NFX1: variants seen among roughly 807,000 people sequenced by gnomAD.
NFX1 encodes transcriptional repressor NF-X1.
A neutral mutation model predicts 137.2 loss-of-function variants in NFX1; 69 were observed. That is an observed-to-expected ratio of 0.50 (90% CI 0.41 to 0.61). The LOEUF is 0.61. Ranked by LOEUF, NFX1 falls within the 20% of genes least tolerant of loss-of-function variation. NFX1 has a pLI of 0.00. For synonymous variants in NFX1, 495 were observed against 474.1 expected, an observed-to-expected ratio of 1.04 and a Z score of -0.57; for missense variants, 1,167 against 1,391.0, an observed-to-expected ratio of 0.84 and a Z score of 2.56.
intron 22 of NFX1, 56 bp from the exon 23 acceptor site, chr9:33,367,459 T>TC (rs1824200503): frequency 6.4e-7 from 1 of 1,566,524 alleles, no homozygotes; most frequent in African/African-American, 1.4e-5. Flanking sequence ...TAGCTTTCTG[T>TC]CCATCTCCAC....
At chr9:33,357,334 A>AAT (rs765749371) in intron 19 of NFX1, among the ~76,000 whole-genome samples, 84 of 150,212 alleles carry the variant, frequency 5.6e-4, no homozygotes, top group Admixed American at 2.1e-3. Context: ...AAGTATATCA[A>AAT]ATATATATAT....
chr9:33,336,509 G>C (rs764118180), intron 11 of NFX1, among the ~76,000 whole-genome samples: 1 of 152,186 alleles, frequency 6.6e-6, no homozygotes, highest in South Asian at 2.1e-4. Flanking sequence ...CCACCGCACC[G>C]ACCATTTTTG....
Position 33,313,800 on chromosome 9 carries a change from G to T in NFX1, c.1588+7G>T. 1 of 1,611,490 alleles carries T rather than the reference G, an allele frequency of 6.2e-7. No homozygotes were observed. Among genetic ancestry groups the T allele is most frequent in the South Asian group, 1.1e-5 (1 of 90,998 alleles). ...CAGATCATTTTGAACCAGGGTAAGT[G>T]GTGGGCACACCAGCTAGCAATGCTT... On this transcript the variant is annotated splice_region_variant and intron_variant, in intron 7 of 23. Coordinates refer to ENST00000379540, the MANE Select transcript of NFX1 (RefSeq NM_002504.6).
At chr9:33,341,390 A>G (rs1437362690) in intron 12 of NFX1, among the ~76,000 whole-genome samples, 1 of 152,168 alleles carries the variant, frequency 6.6e-6, no homozygotes, top group Non-Finnish European at 1.5e-5. Context: ...GTTAACTCCT[A>G]CCAGGTCCTT....
At chr9:33,340,328 G>C (rs999424772) in intron 12 of NFX1, among the ~76,000 whole-genome samples, 1 of 152,248 alleles carries the variant, frequency 6.6e-6, no homozygotes, top group African/African-American at 2.4e-5. Context: ...GCACTCTGAA[G>C]CCTTGGCCCA....
In NFX1 at chr9:33,310,599, A is replaced by G. The variant is rs138192163; in HGVS notation, c.1377-507A>G. On this transcript the variant is annotated intron_variant, in intron 5 of 23. Coordinates refer to ENST00000379540, the MANE Select transcript of NFX1 (RefSeq NM_002504.6). ...GTTACTCACTAGCATGCCTCCCCTC[A>G]TGTCAGCCTTCTTTTCACTGTTCCA... is the stretch of plus-strand genomic sequence containing the variant. Among the ~76,000 whole-genome samples, 5 of 151,982 alleles carry G rather than the reference A, an allele frequency of 3.3e-5. No homozygotes were observed. In the East Asian group the frequency reaches 5.8e-4, roughly 18 times the overall value.
Position 33,338,722 on chromosome 9 carries a change from C to T in NFX1, c.2115+133C>T, listed in dbSNP as rs140631750. 362 of 729,676 alleles carry T rather than the reference C, an allele frequency of 5.0e-4. 1 individual carries two copies. The East Asian group carries it at 9.9e-3, about 20-fold the overall frequency. The allele number at this position is 729,676 out of a possible 1,614,324, so 45.2% of individuals were successfully genotyped here. A position where few individuals can be genotyped will look rare whatever the true frequency, so the allele number is the denominator to read the frequency against. ...AGGCCCCTAAGCAGCAGTCAGAGAG[C>T]TCTCATAGTCCCCATAACCTCTCTG... On this transcript the variant is annotated intron_variant, in intron 12 of 23. Coordinates refer to ENST00000379540, the MANE Select transcript of NFX1 (RefSeq NM_002504.6).
chr9:33,358,068 G>A (rs143668586), intron 19 of NFX1, among the ~76,000 whole-genome samples: 79 of 152,028 alleles, frequency 5.2e-4, no homozygotes, highest in Non-Finnish European at 9.6e-4. Context: ...TATTCTTTCA[G>A]TAGATTTGTT....
At position 33,351,743 on chromosome 9, in the gene NFX1, C is replaced by A. The variant is rs1039799856; in HGVS notation, c.2608C>A (p.Pro870Thr). 3.1e-6 allele frequency: 5 copies of A among 1,608,572 alleles called. No individual in the cohort carries two copies. Among genetic ancestry groups the A allele is most frequent in the Non-Finnish European group, 4.2e-6 (5 of 1,177,526 alleles). Reference sequence around the variant, plus strand: ...TGACTGTGGTCACCCGTGTATGGCACCCTGCCATACCAGCTCACCCTGCCC... The same window carrying A: ...TGACTGTGGTCACCCGTGTATGGCAACCTGCCATACCAGCTCACCCTGCCC... ...RADCGHPCMA[P>T]CHTSSPCPVT... Residue 870 changes from proline to threonine, a missense_variant, in exon 16 of 24, where the codon CCC becomes ACC. Physicochemically the swap from Pro to Thr is conservative, Grantham distance 38. Transcript: ENST00000379540.
At chr9:33,363,811 A>G (rs1368646858) in intron 19 of NFX1, among the ~76,000 whole-genome samples, 199 bp from the exon 20 acceptor site, 1 of 152,156 alleles carries the variant, frequency 6.6e-6, no homozygotes, top group Non-Finnish European at 1.5e-5. Flanking sequence ...TCAGATCCTT[A>G]TAGATCTGTT....
chr9:33,317,340 G>T (rs1231592653), intron 7 of NFX1, among the ~76,000 whole-genome samples: 1 of 150,094 alleles, frequency 6.7e-6, no homozygotes, highest in African/African-American at 2.5e-5. Flanking sequence ...CATTGCTTGA[G>T]CCCGGGAGTT....
rs200838543 is a variant in NFX1, at chr9:33,367,648, G to A, written c.3290+29G>A. The A allele has an allele frequency of 7.2e-5, 116 of 1,606,810 alleles. No individual in the cohort carries two copies. The African/African-American group carries it at 1.3e-3, about 18-fold the overall frequency. On this transcript the variant is annotated intron_variant, in intron 23 of 23. Transcript: ENST00000379540. ...AGATTCTCCAGCTGCTTTCCAAGGG[G>A]ACCTGTCTGTCCAGAAAAGCTAGCA...
intron 2 of NFX1, 52 bp downstream of exon 2, chr9:33,295,479 T>A (rs1475284511): frequency 6.6e-7 from 1 of 1,513,752 alleles, no homozygotes; most frequent in East Asian, 2.4e-5. Context: ...TTTAAATTTT[T>A]AAATAAGTCA....
intron 14 of NFX1, 135 bp from the exon 15 acceptor site, chr9:33,346,903 C>A: frequency 1.8e-6 from 1 of 546,878 alleles, no homozygotes; most frequent in South Asian, 3.5e-5. Context: ...TTTTACTTTC[C>A]TGTGACCGTT....
intron 7 of NFX1, among the ~76,000 whole-genome samples, chr9:33,317,973 CAAAAAAAAAAAAAAA>C (rs5897542): frequency 9.0e-5 from 4 of 44,388 alleles, no homozygotes; most frequent in Non-Finnish European, 1.4e-4. Context: ...GACTCTGTCT[CAAAAAAAAAAAAAAA>C]AAAAAAAAAA....
chr9:33,357,408 C>G (rs1396177497), intron 19 of NFX1, among the ~76,000 whole-genome samples: 1 of 152,142 alleles, frequency 6.6e-6, no homozygotes, highest in Non-Finnish European at 1.5e-5. Context: ...GTCTTAATTA[C>G]TGTACCTTTA....
intron 17 of NFX1, among the ~76,000 whole-genome samples, chr9:33,353,458 G>C (rs944444799): frequency 6.6e-6 from 1 of 152,028 alleles, no homozygotes; most frequent in Non-Finnish European, 1.5e-5. Context: ...ATGGGGAGAG[G>C]TGCCATGGAT....
Position 33,347,029 on chromosome 9 carries a change from T to C in NFX1, c.2345-9T>C. The C allele has an allele frequency of 1.2e-6, 2 of 1,606,386 alleles. No individual in the cohort carries two copies. The highest frequency in any genetic ancestry group is 2.2e-5 in the East Asian group (1 of 44,726). On this transcript the variant is annotated splice_polypyrimidine_tract_variant and intron_variant, in intron 14 of 23. Coordinates refer to ENST00000379540, the MANE Select transcript of NFX1 (RefSeq NM_002504.6). ...AAGTATTCCTAAAGTTACCTTTCTCTTTCTGCAGTATATCATTCTTGTCAT... is the reference window on the plus strand; with the variant it reads ...AAGTATTCCTAAAGTTACCTTTCTCCTTCTGCAGTATATCATTCTTGTCAT...
chr9:33,338,522 T>C lies in NFX1; in HGVS notation c.2048T>C (p.Met683Thr), dbSNP rs1367766416. ...TSLKSEDATF[M>T]CDKRCNKKRL... ...TTTGCCACAGCAGATGCTACATTTA[T>C]GTGTGACAAGCGGTGTAACAAGAAA... Residue 683 changes from methionine (M) to threonine (T), a missense_variant, in exon 12 of 24, where the codon ATG becomes ACG. By Grantham distance (81) the Met-to-Thr change is moderately conservative (BLOSUM62 -1). This residue lies in a region of NFX1 where 488 missense variants were observed against 691.5 expected (regional missense o/e 0.71). Coordinates refer to ENST00000379540, the MANE Select transcript of NFX1 (RefSeq NM_002504.6). 1 of 1,608,402 alleles carries C rather than the reference T, an allele frequency of 6.2e-7. No individual in the cohort carries two copies.
Sources: gnomAD v4.1 joint callset for allele counts (sites outside exome capture counted in the v4.1 genomes callset) on GRCh38, gnomAD v4.1.1 for gene constraint, gnomAD v4.1.1 regional missense constraint, MANE v1.5 for transcripts, NCBI Gene and HGNC (gene_info 2026-07-23, HGNC 2026-07-21) for gene names.